The following AMBN variants were observed in gnomAD, a reference collection of about 807,000 sequenced individuals.
AMBN encodes ameloblastin.
In AMBN, 54 loss-of-function variants were observed where a neutral mutation model predicts 48.0. That is an observed-to-expected ratio of 1.12 (90% confidence interval 0.90 to 1.41). The LOEUF is 1.41. AMBN is among the 40% of genes most tolerant of loss of function. The pLI is 0.00. For synonymous variants in AMBN, 186 were observed against 190.0 expected (o/e 0.98, Z 0.17); for missense variants, 571 against 547.3 (o/e 1.04, Z -0.43).
At chr4:70,592,416 C>CT in intron 1 of AMBN, 43 bp downstream of exon 1, 1 of 1,607,274 alleles carries the variant, frequency 6.2e-7, no homozygotes, top group Non-Finnish European at 8.5e-7. Flanking sequence ...CCTGTAAATT[C>CT]TTTTTTTCCT....
chr4:70,605,975 C>T (rs1178708124), intron 12 of AMBN, among the ~76,000 whole-genome samples: 2 of 152,078 alleles, frequency 1.3e-5, no homozygotes, highest in Admixed American at 6.6e-5. Flanking sequence ...GAAATCATGC[C>T]GAGATCCACC....
chr4:70,597,990 A>G (rs1737425538), intron 3 of AMBN, among the ~76,000 whole-genome samples: 1 of 152,128 alleles, frequency 6.6e-6, no homozygotes, highest in Non-Finnish European at 1.5e-5. Context: ...CTTCTGGCTG[A>G]ACTTGTAAAG....
At chr4:70,597,237 C>T (rs1413436100) in intron 3 of AMBN, among the ~76,000 whole-genome samples, 188 bp downstream of exon 3, 1 of 152,104 alleles carries the variant, frequency 6.6e-6, no homozygotes, top group Non-Finnish European at 1.5e-5. Flanking sequence ...TTTAAACTCT[C>T]AGGTGTTTTA....
At chr4:70,598,290 T>A in intron 3 of AMBN, 66 bp from the exon 4 acceptor site, 2 of 1,138,446 alleles carry the variant, frequency 1.8e-6, no homozygotes, top group Non-Finnish European at 2.4e-6. Flanking sequence ...TCAAATATCA[T>A]GAGAAATCAG....
intron 2 of AMBN, among the ~76,000 whole-genome samples, chr4:70,594,952 T>C (rs1033933460): frequency 6.6e-6 from 1 of 152,188 alleles, no homozygotes; most frequent in Non-Finnish European, 1.5e-5. Flanking sequence ...CTTTAAGTCA[T>C]GACTTAGAGC....
rs1737566904 is a variant in AMBN at position 70,603,285 on chromosome 4, C to T, written c.674C>T (p.Ser225Phe). The T allele has an allele frequency of 1.2e-6, 2 of 1,613,652 alleles. No homozygotes were observed. The highest frequency in any genetic ancestry group is 8.5e-7 in the Non-Finnish European group (1 of 1,179,816). Residue 225 changes from serine (S) to phenylalanine (F), a missense_variant, in exon 10 of 13, where the codon TCT becomes TTT. Physicochemically the swap from Ser to Phe is radical, Grantham distance 155. Transcript: ENST00000322937. ...STIFQIARLI[S>F]HGPMPQNKQS... ...ATTTTCCAAATAGCCCGTTTGATTT[C>T]TCACGGACCAATGCCACAAAATAAA...
chr4:70,597,487 T>A (rs973796298), intron 3 of AMBN, among the ~76,000 whole-genome samples: 1 of 152,168 alleles, frequency 6.6e-6, no homozygotes, highest in African/African-American at 2.4e-5. Flanking sequence ...AACATTGTAC[T>A]ATGATACTTC....
At chr4:70,601,767 A>G in intron 6 of AMBN, 113 bp downstream of exon 6, 1 of 936,464 alleles carries the variant, frequency 1.1e-6, no homozygotes, top group Non-Finnish European at 1.7e-6. Context: ...TACGTGATAT[A>G]AATATATTCT....
intron 2 of AMBN, 108 bp downstream of exon 2, chr4:70,593,503 A>G: frequency 2.1e-6 from 2 of 950,720 alleles, no homozygotes; most frequent in South Asian, 3.1e-5. Context: ...CACTTGATTT[A>G]ATCCAGTGGT....
rs778170186 is a variant in AMBN, at chr4:70,602,786, T to A, written c.571-12T>A. The A allele has an allele frequency of 6.4e-7, 1 of 1,568,918 alleles. No individual in the cohort carries two copies. Among genetic ancestry groups the A allele is most frequent in the African/African-American group, 1.4e-5 (1 of 72,852 alleles). ...TTTTTACTGATAATTTTAATATTTA[T>A]CTACAATATAGCTCCCAGGAATGGA... is the stretch of plus-strand genomic sequence containing the variant. On this transcript the variant is annotated splice_polypyrimidine_tract_variant and intron_variant, in intron 7 of 12. Coordinates refer to ENST00000322937, the MANE Select transcript of AMBN (RefSeq NM_016519.6).
At chr4:70,602,569 TTGTC>T in intron 6 of AMBN, 51 bp from the exon 7 acceptor site, 1 of 1,305,800 alleles carries the variant, frequency 7.7e-7, no homozygotes, top group Non-Finnish European at 1.1e-6. Flanking sequence ...TAATGTCACT[TTGTC>T]TATTTTGTTT....
chr4:70,598,929 C>G (rs1737450962), intron 4 of AMBN, among the ~76,000 whole-genome samples: 1 of 150,734 alleles, frequency 6.6e-6, no homozygotes, highest in South Asian at 2.1e-4. Context: ...CATCTGCCAC[C>G]ACGCCAGGCT....
chr4:70,597,757 T>A (rs1039894418), intron 3 of AMBN, among the ~76,000 whole-genome samples: 4 of 152,184 alleles, frequency 2.6e-5, no homozygotes, highest in African/African-American at 7.2e-5. Flanking sequence ...CTGAGGGTTT[T>A]TTTCTCACTT....
chr4:70,601,700 A>G (rs1318780386), intron 6 of AMBN, 46 bp downstream of exon 6: 2 of 1,565,308 alleles, frequency 1.3e-6, no homozygotes, highest in Non-Finnish European at 1.7e-6. Context: ...CAGCTAACCT[A>G]ATAGAAGAAA....
At position 70,602,614 on chromosome 4, in the gene AMBN, T is replaced by A; in HGVS notation, c.532-10T>A. The A allele has an allele frequency of 6.5e-7, 1 of 1,538,256 alleles. No individual in the cohort carries two copies. ...TTGACTGATAATTTTAATATTTATC[T>A]GTGATATAGCTCCCAGGAGTAGATT... is the stretch of plus-strand genomic sequence containing the variant. On this transcript the variant is annotated splice_polypyrimidine_tract_variant and intron_variant, in intron 6 of 12. Coordinates refer to ENST00000322937, the MANE Select transcript of AMBN (RefSeq NM_016519.6).
intron 4 of AMBN, 120 bp from the exon 5 acceptor site, chr4:70,599,416 G>A: frequency 1.4e-6 from 1 of 693,032 alleles, no homozygotes; most frequent in Non-Finnish European, 2.2e-6. Context: ...ACTCCAGCCT[G>A]GCGACAGAGC....
At chr4:70,594,262 C>T (rs554440217) in intron 2 of AMBN, among the ~76,000 whole-genome samples, 2 of 152,086 alleles carry the variant, frequency 1.3e-5, no homozygotes, top group South Asian at 4.1e-4. Flanking sequence ...TATTACAGTC[C>T]CACACCTGAT....
chr4:70,600,861 T>G (rs1029098870), intron 5 of AMBN, among the ~76,000 whole-genome samples: 5 of 152,194 alleles, frequency 3.3e-5, no homozygotes, highest in African/African-American at 1.2e-4. Context: ...GGTGACTGTT[T>G]CTTAACTTAA....
intron 12 of AMBN, among the ~76,000 whole-genome samples, chr4:70,604,420 T>C (rs1737594497): frequency 6.6e-6 from 1 of 152,224 alleles, no homozygotes. Context: ...ACTCTTATTA[T>C]GTTATCATTA....
Sources: allele counts gnomAD v4.1 joint callset (sites outside exome capture counted in the v4.1 genomes callset), GRCh38; gene constraint gnomAD v4.1.1; transcripts MANE v1.5; gene names NCBI Gene and HGNC (gene_info 2026-07-23, HGNC 2026-07-21).